Variants in KIF16B observed in about 807,000 individuals in gnomAD.
The protein encoded by KIF16B is kinesin family member 16B.
A neutral mutation model predicts 156.3 loss-of-function variants in KIF16B; 98 were observed. The observed-to-expected ratio is 0.63, with a 90% CI of 0.53 to 0.74. The LOEUF (loss-of-function observed/expected upper bound fraction) is 0.74, where lower values mean the gene tolerates loss of function less well. KIF16B is among the 30% of genes least tolerant of loss of function. KIF16B has a pLI of 0.00. For synonymous variants in KIF16B, 564 were observed against 583.7 expected (o/e 0.97, Z 0.49); for missense variants, 1,421 against 1,606.5 (o/e 0.88, Z 1.97).
At chr20:16,321,306 G>A (rs2063770198) in intron 24 of KIF16B, among the ~76,000 whole-genome samples, 1 of 151,928 alleles carries the variant, frequency 6.6e-6, no homozygotes, top group African/African-American at 2.4e-5. Flanking sequence ...AGTAAAAAGT[G>A]ATTATTCTTT....
chr20:16,338,841 C>T (rs772481014), intron 23 of KIF16B, among the ~76,000 whole-genome samples: 39 of 152,190 alleles, frequency 2.6e-4, no homozygotes, highest in Non-Finnish European at 4.6e-4. Context: ...CATTCTCTTA[C>T]AAAATGATTA....
intron 9 of KIF16B, 86 bp from the exon 10 acceptor site, chr20:16,504,633 T>A: frequency 8.8e-7 from 1 of 1,140,884 alleles, no homozygotes; most frequent in Non-Finnish European, 1.3e-6. Flanking sequence ...AAAAGTCAGA[T>A]TAACCCCAGG....
chr20:16,529,134 A>G (rs2069656310), intron 1 of KIF16B, among the ~76,000 whole-genome samples: 1 of 152,212 alleles, frequency 6.6e-6, no homozygotes, highest in Non-Finnish European at 1.5e-5. Flanking sequence ...TACAAATTAT[A>G]TTTAAACACT....
rs2067327165 is a variant in KIF16B, at chr20:16,460,781, A to G, written c.1303-30799T>C. Among the ~76,000 whole-genome samples, 5 of 152,284 alleles carry G rather than the reference A, an allele frequency of 3.3e-5. No individual in the cohort carries two copies. The South Asian group carries it at 1.0e-3, about 32-fold the overall frequency. On this transcript the variant is annotated intron_variant, in intron 12 of 25. Transcript: ENST00000354981. Reference sequence around the variant, plus strand: ...TTATTAATACAAATATAGTCTAGATACAAATAGAAACACTGAAAAAAACAG... The same window carrying G: ...TTATTAATACAAATATAGTCTAGATGCAAATAGAAACACTGAAAAAAACAG...
At chr20:16,469,931 G>A (rs77904578) in intron 12 of KIF16B, among the ~76,000 whole-genome samples, 16,545 of 152,122 alleles carry the variant, frequency 0.11, 1,134 homozygotes, top group Non-Finnish European at 0.16. Context: ...CCAAAAGCAG[G>A]TGAACGGATT....
At position 16,273,179 on chromosome 20, in the gene KIF16B, G is replaced by C; in HGVS notation, c.*74C>G. ...GGAGGCAGACCCGGATCCTCGCATG[G>C]GGGAGCTGCCCTGCATCGGAGCCCG... On this transcript the variant is annotated 3_prime_UTR_variant, in exon 26 of 26. Coordinates refer to ENST00000354981, the MANE Select transcript of KIF16B (RefSeq NM_024704.5). 7.6e-7 allele frequency: 1 copy of C among 1,315,254 alleles called. No homozygotes were observed. Among genetic ancestry groups the C allele is most frequent in the Non-Finnish European group, 1.1e-6 (1 of 918,788 alleles). 81.5% of individuals were successfully genotyped at this position (1,315,254 alleles called of 1,614,324 possible).
chr20:16,274,860 C>A (rs1480029407), intron 25 of KIF16B, among the ~76,000 whole-genome samples: 1 of 152,154 alleles, frequency 6.6e-6, no homozygotes, highest in Non-Finnish European at 1.5e-5. Flanking sequence ...AATTTAGCTA[C>A]CTCTATGAAT....
At chr20:16,385,574 G>A (rs930968806) in intron 17 of KIF16B, among the ~76,000 whole-genome samples, 1 of 152,204 alleles carries the variant, frequency 6.6e-6, no homozygotes, top group African/African-American at 2.4e-5. Flanking sequence ...ACCTCAAAGG[G>A]CTGTAGCCAG....
chr20:16,524,235 G>C (rs2069452587), intron 3 of KIF16B, among the ~76,000 whole-genome samples: 1 of 152,076 alleles, frequency 6.6e-6, no homozygotes, highest in Non-Finnish European at 1.5e-5. Flanking sequence ...GAGTGAACAG[G>C]CAACTTACAG....
Position 16,389,612 on chromosome 20 carries a change from T to C in KIF16B, c.1785-7865A>G, listed in dbSNP as rs563878638. On this transcript the variant is annotated intron_variant, in intron 17 of 25. Transcript: ENST00000354981. ...TCAGCCTTCTCAAGCACCTCACAAC[T>C]GAGCAAATCCCATGGAGACTAGGGG... Among the ~76,000 whole-genome samples the C allele has an allele frequency of 5.3e-5, 8 of 152,306 alleles. No homozygotes were observed. In the South Asian group the frequency reaches 1.7e-3, roughly 32 times the overall value.
chr20:16,310,480 A>G (rs2063603102), intron 25 of KIF16B, among the ~76,000 whole-genome samples: 1 of 152,236 alleles, frequency 6.6e-6, no homozygotes, highest in African/African-American at 2.4e-5. Context: ...CCAATCTGTC[A>G]TGGCACAGCT....
chr20:16,551,656 C>A (rs1327366200), intron 1 of KIF16B, among the ~76,000 whole-genome samples: 2 of 152,192 alleles, frequency 1.3e-5, no homozygotes, highest in Non-Finnish European at 2.9e-5. Flanking sequence ...GAATACACTA[C>A]CACAGTTTGC....
intron 24 of KIF16B, among the ~76,000 whole-genome samples, chr20:16,330,286 C>T (rs1427473589): frequency 6.6e-6 from 1 of 152,188 alleles, no homozygotes; most frequent in East Asian, 1.9e-4. Flanking sequence ...GCACATCATT[C>T]TCCTTAAGGA....
At chr20:16,562,124 T>C (rs2071084013) in intron 1 of KIF16B, among the ~76,000 whole-genome samples, 1 of 152,204 alleles carries the variant, frequency 6.6e-6, no homozygotes, top group South Asian at 2.1e-4. Flanking sequence ...ATTTTGCAAC[T>C]TTACTATAAA....
At chr20:16,543,450 T>C (rs781221263) in intron 1 of KIF16B, among the ~76,000 whole-genome samples, 26 of 152,158 alleles carry the variant, frequency 1.7e-4, no homozygotes, top group Non-Finnish European at 3.4e-4. Flanking sequence ...CTAAAGAAAG[T>C]ATATAACTAG....
At chr20:16,539,590 C>A (rs953160869) in intron 1 of KIF16B, among the ~76,000 whole-genome samples, 2 of 152,154 alleles carry the variant, frequency 1.3e-5, no homozygotes, top group African/African-American at 4.8e-5. Context: ...ATGTGATGTG[C>A]CTGCTCCGGC....
chr20:16,568,434 T>C (rs1383568767), intron 1 of KIF16B, among the ~76,000 whole-genome samples: 6 of 152,220 alleles, frequency 3.9e-5, no homozygotes, highest in Admixed American at 3.9e-4. Context: ...ACAAGCACTC[T>C]TCAGGGAGCC....
chr20:16,413,254 T>A (rs1056225291), intron 15 of KIF16B, among the ~76,000 whole-genome samples: 1 of 151,798 alleles, frequency 6.6e-6, no homozygotes, highest in African/African-American at 2.4e-5. Flanking sequence ...TTCCAGAGAG[T>A]CTTCAGAGGG....
At chr20:16,532,621 T>C (rs2069801213) in intron 1 of KIF16B, among the ~76,000 whole-genome samples, 1 of 152,224 alleles carries the variant, frequency 6.6e-6, no homozygotes, top group Non-Finnish European at 1.5e-5. Context: ...TTTATTTATA[T>C]CACAGAACAC....
Sources: allele counts gnomAD v4.1 joint callset (sites outside exome capture counted in the v4.1 genomes callset), GRCh38; gene constraint gnomAD v4.1.1; transcripts MANE v1.5; gene names NCBI Gene and HGNC (gene_info 2026-07-23, HGNC 2026-07-21).